ARHGAP19: variants seen among roughly 807,000 people sequenced by gnomAD.
The protein encoded by ARHGAP19 is Rho GTPase activating protein 19, also known as rho GTPase-activating protein 19.
ARHGAP19 carries 48 observed loss-of-function variants against 60.9 expected under a neutral mutation model. The ratio of observed to expected loss-of-function variants is 0.79; its 90% CI spans 0.62 to 1.00. The LOEUF is 1.00. Ranked by LOEUF, ARHGAP19 falls within the 50% of genes least tolerant of loss-of-function variation. ARHGAP19 has a pLI of 0.00. For synonymous variants in ARHGAP19, 209 were observed against 215.5 expected (o/e 0.97, Z 0.27); for missense variants, 562 against 597.2 (o/e 0.94, Z 0.61).
In ARHGAP19 at chr10:97,259,523, C is replaced by T. The variant is rs147811749; in HGVS notation, c.719G>A (p.Arg240His). The T allele has an allele frequency of 2.2e-4, 348 of 1,614,064 alleles. No individual in the cohort carries two copies. The highest frequency in any genetic ancestry group is 3.0e-4 in the Admixed American group (18 of 60,006). The change falls in exon 5 of 12, where the codon CGT (arginine) becomes CAT (histidine). Residue 240 changes from arginine to histidine, a missense_variant. Arg to His is a conservative substitution (Grantham distance 29). Coordinates refer to ENST00000358531, the MANE Select transcript of ARHGAP19 (RefSeq NM_032900.6). The part of the protein sequence containing the change: ...LLFLILPPPN[R>H]NLLKLLLDLL... The stretch of plus-strand genomic sequence containing the variant: ...ATCAAGCAATAACTTCAGCAAATTA[C>T]GATTAGGAGGAGGGAGAATGAGGAA...
intron 1 of ARHGAP19, among the ~76,000 whole-genome samples, chr10:97,280,070 C>A (rs1194954913): frequency 6.6e-6 from 1 of 151,964 alleles, no homozygotes; most frequent in Non-Finnish European, 1.5e-5. Context: ...AATTTTTCTC[C>A]CTCATGCTAG....
intron 8 of ARHGAP19, among the ~76,000 whole-genome samples, chr10:97,242,324 C>CCTTTTTTTTTTTTTTTTTTTT (rs1842498449): frequency 7.2e-5 from 4 of 55,796 alleles, no homozygotes; most frequent in Middle Eastern, 0.013. Context: ...TATCAGTGTT[C>CCTTTTTTTTTTTTTTTTTTTT]TTTTTTTTTT....
chr10:97,281,972 G>A (rs905930229), intron 1 of ARHGAP19, among the ~76,000 whole-genome samples: 2 of 152,080 alleles, frequency 1.3e-5, no homozygotes, highest in Non-Finnish European at 2.9e-5. Context: ...TTAAAGAGAG[G>A]TACACAGGGG....
intron 1 of ARHGAP19, among the ~76,000 whole-genome samples, chr10:97,269,383 C>T (rs896239813): frequency 2.6e-5 from 4 of 152,108 alleles, no homozygotes; most frequent in African/African-American, 4.8e-5. Flanking sequence ...AAATTAAAAA[C>T]TAGGAATGTA....
At chr10:97,283,916 TAC>T (rs1843120639) in intron 1 of ARHGAP19, among the ~76,000 whole-genome samples, 1 of 151,752 alleles carries the variant, frequency 6.6e-6, no homozygotes, top group South Asian at 2.1e-4. Context: ...ACCATTTTTC[TAC>T]ATATTTTTCT....
intron 11 of ARHGAP19, among the ~76,000 whole-genome samples, chr10:97,228,583 A>T (rs1315169552): frequency 6.6e-6 from 1 of 152,186 alleles, no homozygotes; most frequent in Non-Finnish European, 1.5e-5. Flanking sequence ...CCATTGACCC[A>T]CTTGGCTCCT....
chr10:97,284,407 G>C (rs1434380827), intron 1 of ARHGAP19, among the ~76,000 whole-genome samples: 2 of 152,112 alleles, frequency 1.3e-5, no homozygotes, highest in Non-Finnish European at 2.9e-5. Context: ...ATAGGCGTGA[G>C]ACACTCAGAC....
At chr10:97,289,272 G>A (rs560606881) in intron 1 of ARHGAP19, among the ~76,000 whole-genome samples, 20 of 151,924 alleles carry the variant, frequency 1.3e-4, no homozygotes, top group African/African-American at 4.3e-4. Context: ...ACGCCACCAC[G>A]CTCTGCTAAT....
At chr10:97,238,680 TA>T (rs1842421305) in intron 8 of ARHGAP19, among the ~76,000 whole-genome samples, 1 of 152,190 alleles carries the variant, frequency 6.6e-6, no homozygotes, top group African/African-American at 2.4e-5. Flanking sequence ...GTCAGAAAGT[TA>T]AAAAAGTTTT....
intron 11 of ARHGAP19, 142 bp downstream of exon 11, chr10:97,229,005 T>C (rs534013768): frequency 2.5e-6 from 2 of 813,082 alleles, no homozygotes; most frequent in South Asian, 2.9e-5. Context: ...GTGAATGAAC[T>C]CAAGGGCAAG....
At chr10:97,257,360 T>C (rs1311679846) in intron 5 of ARHGAP19, among the ~76,000 whole-genome samples, 2 of 145,978 alleles carry the variant, frequency 1.4e-5, no homozygotes, top group African/African-American at 5.0e-5. Flanking sequence ...CAATCATAAC[T>C]CACTGCAGCT....
chr10:97,256,137 C>T (rs1028437925), intron 6 of ARHGAP19, among the ~76,000 whole-genome samples, 181 bp downstream of exon 6: 2 of 152,168 alleles, frequency 1.3e-5, no homozygotes, highest in African/African-American at 4.8e-5. Context: ...ACTCAGCCTC[C>T]TATTCCTACT....
rs772793720 is a variant in ARHGAP19 at position 97,229,891 on chromosome 10, A to G, written c.1285-17T>C. ...GACCTTCCGCTGATTTAAGAACAGA[A>G]AACATTTGATTTATAAACACCTACT... is the stretch of plus-strand genomic sequence containing the variant. On this transcript the variant is annotated splice_polypyrimidine_tract_variant and intron_variant, in intron 9 of 11. Coordinates refer to ENST00000358531, the MANE Select transcript of ARHGAP19 (RefSeq NM_032900.6). 1 of 1,554,740 alleles carries G rather than the reference A, an allele frequency of 6.4e-7. No homozygotes were observed. Among genetic ancestry groups the G allele is most frequent in the Non-Finnish European group, 8.8e-7 (1 of 1,133,606 alleles).
rs181375231 is a variant in ARHGAP19, at chr10:97,236,739, G to C, written c.1186-1424C>G. ...GGAGGATCATGATCACCTGAGCCCA[G>C]GGAGGTCGAGGCTGCAGTGAGCCAT... is the stretch of plus-strand genomic sequence containing the variant. On this transcript the variant is annotated intron_variant, in intron 8 of 11. Coordinates refer to ENST00000358531, the MANE Select transcript of ARHGAP19 (RefSeq NM_032900.6). 1.2e-4 allele frequency among the ~76,000 whole-genome samples: 18 copies of C among 148,760 alleles called. No homozygotes were observed. In the East Asian group the frequency reaches 3.0e-3, roughly 25 times the overall value.
rs1227378548 is a variant in ARHGAP19 at position 97,224,508 on chromosome 10, C to T, written c.*1614G>A. ...GGAAGACCAAATTTTACATTTTTCTCCACTATTGCTGTTACAGCAGCAAAA... is the reference window on the plus strand; with the variant it reads ...GGAAGACCAAATTTTACATTTTTCTTCACTATTGCTGTTACAGCAGCAAAA... On this transcript the variant is annotated 3_prime_UTR_variant, in exon 12 of 12. Coordinates refer to ENST00000358531, the MANE Select transcript of ARHGAP19 (RefSeq NM_032900.6). 6.6e-6 allele frequency: 1 copy of T among 152,220 alleles called. No homozygotes were observed. Among genetic ancestry groups the T allele is most frequent in the Non-Finnish European group, 1.5e-5 (1 of 68,040 alleles). The allele number at this position is 152,220 out of a possible 1,614,324, so 9.4% of individuals were successfully genotyped here.
At chr10:97,287,312 A>G (rs1190085809) in intron 1 of ARHGAP19, among the ~76,000 whole-genome samples, 6 of 152,188 alleles carry the variant, frequency 3.9e-5, no homozygotes, top group Non-Finnish European at 8.8e-5. Context: ...ACTTGAAGGT[A>G]TAAGAAATGA....
intron 6 of ARHGAP19, among the ~76,000 whole-genome samples, chr10:97,251,304 AGGAAGGGAAGG>A (rs1379701006): frequency 1.1e-4 from 2 of 18,590 alleles, no homozygotes; most frequent in Admixed American, 7.6e-4. Context: ...GAAGGGGAAA[AGGAAGGGAAGG>A]GGAAGGGAAG....
intron 1 of ARHGAP19, among the ~76,000 whole-genome samples, chr10:97,283,643 C>T (rs145795820): frequency 6.6e-6 from 1 of 151,698 alleles, no homozygotes; most frequent in African/African-American, 2.4e-5. Context: ...ACTGGGAAAC[C>T]AAGATAGAAA....
chr10:97,282,828 G>C (rs180919426), intron 1 of ARHGAP19, among the ~76,000 whole-genome samples: 1 of 133,962 alleles, frequency 7.5e-6, no homozygotes, highest in African/African-American at 3.1e-5. Context: ...GTACTATGTA[G>C]TTTCTTTTTT....
Sources: allele counts gnomAD v4.1 joint callset (sites outside exome capture counted in the v4.1 genomes callset), GRCh38; gene constraint gnomAD v4.1.1; transcripts MANE v1.5; gene names NCBI Gene and HGNC (gene_info 2026-07-23, HGNC 2026-07-21).